Variants in UTRN observed in about 807,000 individuals in gnomAD.
UTRN encodes the protein utrophin.
A neutral mutation model predicts 463.9 loss-of-function variants in UTRN; 283 were observed. That is an observed-to-expected ratio of 0.61 (90% CI 0.55 to 0.67). The LOEUF (loss-of-function observed/expected upper bound fraction) is 0.67. Among genes scored for constraint, UTRN ranks in the 30% least tolerant of loss-of-function variants. The pLI, the probability that UTRN is intolerant of heterozygous loss-of-function variation, is 0.00. For synonymous variants in UTRN, 1,442 were observed against 1,431.5 expected (o/e 1.01, Z -0.17); for missense variants, 3,922 against 4,084.3 (o/e 0.96, Z 1.08).
At chr6:144,830,202 A>G (rs1466175201) in intron 69 of UTRN, among the ~76,000 whole-genome samples, 9 of 152,196 alleles carry the variant, frequency 5.9e-5, no homozygotes, top group African/African-American at 2.2e-4. Flanking sequence ...AATAGGAATA[A>G]ATACTATTTT....
At chr6:144,543,152 G>A (rs1415499321) in intron 46 of UTRN, among the ~76,000 whole-genome samples, 1 of 152,138 alleles carries the variant, frequency 6.6e-6, no homozygotes, top group East Asian at 1.9e-4. Flanking sequence ...GAAGATGAGA[G>A]GCTAGGTGCA....
chr6:144,489,843 A>G (rs774124890), intron 30 of UTRN, among the ~76,000 whole-genome samples: 18 of 150,806 alleles, frequency 1.2e-4, no homozygotes, highest in Non-Finnish European at 2.1e-4. Context: ...GCTGGTCTTG[A>G]ACTCCTGATG....
At chr6:144,558,381 T>C (rs939301789) in intron 50 of UTRN, among the ~76,000 whole-genome samples, 3 of 152,202 alleles carry the variant, frequency 2.0e-5, no homozygotes, top group Non-Finnish European at 2.9e-5. Context: ...GGCTATAATA[T>C]TGGTCTTTCT....
chr6:144,615,916 A>G (rs1806035563), intron 51 of UTRN, among the ~76,000 whole-genome samples: 2 of 152,146 alleles, frequency 1.3e-5, no homozygotes, highest in African/African-American at 4.8e-5. Flanking sequence ...GTCCTACATG[A>G]TCAGGCAGGG....
intron 15 of UTRN, 101 bp downstream of exon 15, chr6:144,447,419 A>C (rs1787804324): frequency 7.6e-6 from 10 of 1,316,328 alleles, no homozygotes; most frequent in Non-Finnish European, 8.4e-6. Context: ...ATTACAGCTC[A>C]TTACCTAGCA....
intron 2 of UTRN, 107 bp downstream of exon 2, chr6:144,292,014 T>C: frequency 9.4e-7 from 1 of 1,067,212 alleles, no homozygotes; most frequent in Non-Finnish European, 1.3e-6. Flanking sequence ...GGAGGTGAAG[T>C]TCTTTTAAGA....
At chr6:144,696,271 A>T (rs186206753) in intron 52 of UTRN, among the ~76,000 whole-genome samples, 1 of 151,976 alleles carries the variant, frequency 6.6e-6, no homozygotes, top group African/African-American at 2.4e-5. Flanking sequence ...AGTGTAGCAC[A>T]TTCTAATAGA....
intron 47 of UTRN, among the ~76,000 whole-genome samples, chr6:144,549,706 G>A (rs1217230161): frequency 6.6e-6 from 1 of 152,156 alleles, no homozygotes; most frequent in Non-Finnish European, 1.5e-5. Flanking sequence ...TGGGATTTTG[G>A]CATCTGGGAC....
intron 2 of UTRN, among the ~76,000 whole-genome samples, chr6:144,293,430 A>G (rs546135399): frequency 8.8e-4 from 134 of 152,292 alleles, no homozygotes; most frequent in African/African-American, 3.1e-3. Context: ...ATTTAAAATT[A>G]TCTTTTAAAA....
At chr6:144,459,650 A>G (rs1481402615) in intron 21 of UTRN, among the ~76,000 whole-genome samples, 1 of 152,112 alleles carries the variant, frequency 6.6e-6, no homozygotes, top group Non-Finnish European at 1.5e-5. Context: ...GCTGGAGAGC[A>G]GTGGTGCAAT....
intron 2 of UTRN, among the ~76,000 whole-genome samples, chr6:144,369,171 A>G (rs1445760922): frequency 2.0e-5 from 3 of 152,252 alleles, no homozygotes; most frequent in African/African-American, 7.2e-5. Context: ...AGATCTGTTC[A>G]TTCGTTCATT....
chr6:144,405,511 G>A (rs1039786358), intron 3 of UTRN, among the ~76,000 whole-genome samples: 1 of 151,980 alleles, frequency 6.6e-6, no homozygotes, highest in Non-Finnish European at 1.5e-5. Flanking sequence ...CCCGTTGAAG[G>A]GAACGAATTT....
At chr6:144,533,929 A>G (rs1292764373) in intron 43 of UTRN, among the ~76,000 whole-genome samples, 2 of 152,014 alleles carry the variant, frequency 1.3e-5, no homozygotes, top group East Asian at 1.9e-4. Flanking sequence ...TTTGTTTCAT[A>G]TATTCCGTCA....
intron 54 of UTRN, among the ~76,000 whole-genome samples, chr6:144,734,180 G>A (rs1789095963): frequency 6.6e-6 from 1 of 152,038 alleles, no homozygotes; most frequent in Non-Finnish European, 1.5e-5. Flanking sequence ...GATGTCTCAT[G>A]TACCCCGTAA....
Position 144,690,074 on chromosome 6 carries a change from G to GTTTTTTTTTTTTT in UTRN, c.7653-10003_7653-9991dup, listed in dbSNP as rs1554339291. Among the ~76,000 whole-genome samples the GTTTTTTTTTTTTT allele has an allele frequency of 5.8e-4, 18 of 31,280 alleles. 8 individuals are homozygous for GTTTTTTTTTTTTT. The East Asian group carries it at 9.0e-3, about 16-fold the overall frequency. The allele number at this position is 31,280 out of a possible 152,430, so 20.5% of individuals were successfully genotyped here. A position where few individuals can be genotyped will look rare whatever the true frequency, so the allele number is the denominator to read the frequency against. On this transcript the variant is annotated intron_variant, in intron 52 of 74. Coordinates refer to ENST00000367545, the MANE Select transcript of UTRN (RefSeq NM_007124.3). Reference sequence around the variant, plus strand: ...GGCCATAGAGCTCCCAAAAGTTTCTGTTTTTTTTTTTTTTTTTTTTTTGTG... The same window carrying GTTTTTTTTTTTTT: ...GGCCATAGAGCTCCCAAAAGTTTCTGTTTTTTTTTTTTTTTTTTTTTTTTTTTTTTTTTTTGTG...
chr6:144,367,045 G>T (rs375941213), intron 2 of UTRN, among the ~76,000 whole-genome samples: 88 of 152,006 alleles, frequency 5.8e-4, no homozygotes, highest in African/African-American at 1.6e-3. Context: ...GTGCAGTAGC[G>T]CAATCTTGGC....
chr6:144,703,445 G>T (rs1445966037), intron 53 of UTRN, among the ~76,000 whole-genome samples: 1 of 152,084 alleles, frequency 6.6e-6, no homozygotes, highest in Non-Finnish European at 1.5e-5. Context: ...GATTGGATGA[G>T]ATCACCTATA....
intron 53 of UTRN, among the ~76,000 whole-genome samples, chr6:144,717,568 A>G (rs1786607621): frequency 1.4e-5 from 2 of 141,622 alleles, no homozygotes; most frequent in African/African-American, 5.5e-5. Context: ...CTTATGAAAT[A>G]TTTTGGCTTT....
In UTRN at chr6:144,532,251, T is replaced by C. The variant is rs140558754; in HGVS notation, c.6058-834T>C. ...TCATTCAATCTGTTACTTAAACATT[T>C]GTAGACCAGTGTATTAGTCTGTTCT... On this transcript the variant is annotated intron_variant, in intron 42 of 74. Transcript: ENST00000367545. Among the ~76,000 whole-genome samples the C allele has an allele frequency of 1.9e-3, 290 of 152,358 alleles. 2 individuals carry two copies. Among genetic ancestry groups the C allele is most frequent in the Middle Eastern group, 6.8e-3 (2 of 294 alleles).
Sources: gnomAD v4.1 joint callset for allele counts (sites outside exome capture counted in the v4.1 genomes callset) on GRCh38, gnomAD v4.1.1 for gene constraint, MANE v1.5 for transcripts, NCBI Gene and HGNC (gene_info 2026-07-23, HGNC 2026-07-21) for gene names.